The following TMEM117 variants were observed in gnomAD, a reference collection of about 807,000 sequenced individuals.
The protein encoded by TMEM117 is transmembrane protein 117.
TMEM117 carries 27 observed loss-of-function variants against 52.4 expected under a neutral mutation model. That is an observed-to-expected ratio of 0.51 (90% CI 0.38 to 0.71). The LOEUF is 0.71. Ranked by LOEUF, TMEM117 falls within the 30% of genes least tolerant of loss-of-function variation. The pLI is 0.00. For synonymous variants in TMEM117, 215 were observed against 206.3 expected, an observed-to-expected ratio of 1.04 and a Z score of -0.36; for missense variants, 556 against 630.5, an observed-to-expected ratio of 0.88 and a Z score of 1.26.
intron 3 of TMEM117, among the ~76,000 whole-genome samples, chr12:44,060,042 C>G (rs898352921): frequency 6.6e-6 from 1 of 152,126 alleles, no homozygotes; most frequent in African/African-American, 2.4e-5. Flanking sequence ...CAAGTATCAT[C>G]GAATGATTTC....
At chr12:44,162,449 T>A (rs1399015352) in intron 4 of TMEM117, among the ~76,000 whole-genome samples, 1 of 152,198 alleles carries the variant, frequency 6.6e-6, no homozygotes, top group Non-Finnish European at 1.5e-5. Context: ...GTAAAACTAC[T>A]CCCTCATCTG....
intron 3 of TMEM117, among the ~76,000 whole-genome samples, chr12:44,020,705 G>A (rs971472795): frequency 5.3e-5 from 8 of 151,988 alleles, no homozygotes; most frequent in African/African-American, 1.9e-4. Context: ...TTCTTGATAG[G>A]GTATTTTATA....
intron 1 of TMEM117, among the ~76,000 whole-genome samples, chr12:43,843,473 A>G (rs990394059): frequency 1.3e-5 from 2 of 152,196 alleles, no homozygotes; most frequent in African/African-American, 4.8e-5. Context: ...AGAGGGGAGA[A>G]GGAGGAGCTA....
chr12:43,880,895 AT>A (rs1943884795), intron 2 of TMEM117, among the ~76,000 whole-genome samples: 1 of 152,196 alleles, frequency 6.6e-6, no homozygotes, highest in Non-Finnish European at 1.5e-5. Flanking sequence ...GCCATTCTTC[AT>A]GTAAAAGTAT....
chr12:43,926,124 A>C (rs1415144982), intron 2 of TMEM117, among the ~76,000 whole-genome samples: 2 of 152,242 alleles, frequency 1.3e-5, no homozygotes, highest in Non-Finnish European at 2.9e-5. Context: ...TCTTGAAGTT[A>C]TTCGTTGCAT....
At chr12:44,016,626 T>G (rs1251439323) in intron 3 of TMEM117, among the ~76,000 whole-genome samples, 2 of 152,256 alleles carry the variant, frequency 1.3e-5, no homozygotes, top group Non-Finnish European at 1.5e-5. Flanking sequence ...TAATTTGCCC[T>G]GATTTCTTGC....
At chr12:44,031,473 G>A (rs892272244) in intron 3 of TMEM117, among the ~76,000 whole-genome samples, 2 of 152,164 alleles carry the variant, frequency 1.3e-5, no homozygotes, top group African/African-American at 4.8e-5. Context: ...TTTGGAAATT[G>A]TGACATTAGA....
At chr12:44,393,283 G>A (rs573406222), downstream of TMEM117, among the ~76,000 whole-genome samples, 6 of 152,128 alleles carry the variant, frequency 3.9e-5, no homozygotes, top group South Asian at 4.2e-4. Context: ...GAAAGACCAC[G>A]ATAATTTATA....
the TMEM117 span, among the ~76,000 whole-genome samples, chr12:43,828,798 G>T: frequency 2.0e-5 from 3 of 152,002 alleles, no homozygotes; most frequent in Admixed American, 6.6e-5. Flanking sequence ...CCCTGCTCTT[G>T]TGAATGGACC....
chr12:44,292,552 G>A (rs527292208), intron 5 of TMEM117, among the ~76,000 whole-genome samples: 1 of 151,870 alleles, frequency 6.6e-6, no homozygotes, highest in South Asian at 2.1e-4. Flanking sequence ...AAAATTTAGC[G>A]TTTTATTTGG....
chr12:43,931,404 A>G (rs1231511150), intron 2 of TMEM117, among the ~76,000 whole-genome samples: 1 of 152,230 alleles, frequency 6.6e-6, no homozygotes, highest in Non-Finnish European at 1.5e-5. Flanking sequence ...CCAATCAAAA[A>G]TTACTAGACA....
At chr12:43,955,352 T>C (rs776868211) in intron 3 of TMEM117, among the ~76,000 whole-genome samples, 4 of 152,176 alleles carry the variant, frequency 2.6e-5, no homozygotes, top group Non-Finnish European at 4.4e-5. Flanking sequence ...GAAGTCAATT[T>C]GTCTTTGTTT....
chr12:43,870,606 A>G (rs1943687241), intron 2 of TMEM117, among the ~76,000 whole-genome samples: 1 of 152,002 alleles, frequency 6.6e-6, no homozygotes. Flanking sequence ...TTTTGGGTAT[A>G]TACCCAGTTA....
intron 1 of TMEM117, among the ~76,000 whole-genome samples, chr12:43,840,979 C>T (rs944330480): frequency 6.6e-6 from 1 of 152,004 alleles, no homozygotes; most frequent in African/African-American, 2.4e-5. Context: ...TATTGGGGTA[C>T]CTAAGGAACT....
chr12:43,811,052 A>C, the TMEM117 span, among the ~76,000 whole-genome samples: 1 of 152,224 alleles, frequency 6.6e-6, no homozygotes, highest in Non-Finnish European at 1.5e-5. Flanking sequence ...TTTTGGTGAG[A>C]TAGACTGTTG....
chr12:44,352,100 A>T (rs1293003315), intron 6 of TMEM117, among the ~76,000 whole-genome samples: 1 of 151,854 alleles, frequency 6.6e-6, no homozygotes, highest in Non-Finnish European at 1.5e-5. Context: ...AGACAGACAT[A>T]TATGCATGGT....
chr12:44,159,003 G>C (rs1010150648), intron 4 of TMEM117, among the ~76,000 whole-genome samples: 10 of 152,158 alleles, frequency 6.6e-5, no homozygotes, highest in Admixed American at 1.3e-4. Context: ...TCAGAGACTG[G>C]GGTGATGCAT....
chr12:44,377,495 G>A (rs1205565878), intron 7 of TMEM117, among the ~76,000 whole-genome samples: 1 of 152,104 alleles, frequency 6.6e-6, no homozygotes, highest in Non-Finnish European at 1.5e-5. Flanking sequence ...GATATTTTCT[G>A]CTTTTGAAAT....
At chr12:44,014,064 G>A (rs888946647) in intron 3 of TMEM117, among the ~76,000 whole-genome samples, 1 of 152,172 alleles carries the variant, frequency 6.6e-6, no homozygotes, top group African/African-American at 2.4e-5. Context: ...GACTAGAGAA[G>A]GAAAGACTTG....
Sources: allele counts gnomAD v4.1 joint callset (sites outside exome capture counted in the v4.1 genomes callset), GRCh38; gene constraint gnomAD v4.1.1; transcripts MANE v1.5; gene names NCBI Gene and HGNC (gene_info 2026-07-23, HGNC 2026-07-21).